IL23R: variants seen among roughly 807,000 people sequenced by gnomAD.
IL23R encodes interleukin-23 receptor.
In IL23R, 34 loss-of-function variants were observed where a neutral mutation model predicts 56.9. The observed-to-expected ratio is 0.60, with a 90% confidence interval of 0.45 to 0.80. The LOEUF is 0.80. Ranked by LOEUF, IL23R falls within the 30% of genes least tolerant of loss-of-function variation. The probability of loss-of-function intolerance (pLI) is 0.00; values close to 1 mark genes in which losing one functional copy is unlikely to be tolerated. For missense variants in IL23R, 635 were observed against 730.0 expected (o/e 0.87, Z 1.50); for synonymous variants, 230 against 249.2 (o/e 0.92, Z 0.73).
rs79860529 is a variant in IL23R at position 67,211,249 on chromosome 1, A to C, written c.798+4194A>C. 2.8e-3 allele frequency among the ~76,000 whole-genome samples: 421 copies of C among 152,346 alleles called. 2 individuals are homozygous for C. Among genetic ancestry groups the C allele is most frequent in the Admixed American group, 5.4e-3 (83 of 15,302 alleles). On this transcript the variant is annotated intron_variant, in intron 6 of 10. Coordinates refer to ENST00000347310, the MANE Select transcript of IL23R (RefSeq NM_144701.3). The stretch of plus-strand genomic sequence containing the variant: ...TACAATTCTCAAGTCCTAGATTCTG[A>C]ATTAATGGGGTTTTATCCTAATAAG...
At chr1:67,146,897 G>C (rs1334681705) in intron 1 of IL23R, among the ~76,000 whole-genome samples, 7 of 152,036 alleles carry the variant, frequency 4.6e-5, no homozygotes, top group Non-Finnish European at 7.4e-5. Flanking sequence ...AGTAGTTGTG[G>C]TTGGACTGCT....
chr1:67,246,990 A>T (rs1652268253), intron 9 of IL23R, among the ~76,000 whole-genome samples: 1 of 152,064 alleles, frequency 6.6e-6, no homozygotes, highest in East Asian at 1.9e-4. Flanking sequence ...ATAAATCTGG[A>T]TGCTTCTGTA....
Position 67,219,629 on chromosome 1 carries a change from A to T in IL23R, c.854A>T (p.Glu285Val). 1 of 1,614,116 alleles carries T rather than the reference A, an allele frequency of 6.2e-7. No individual in the cohort carries two copies. Among genetic ancestry groups the T allele is most frequent in the Non-Finnish European group, 8.5e-7 (1 of 1,179,950 alleles). The change falls in exon 7 of 11, where the codon GAG (glutamate) becomes GTG (valine). Residue 285 changes from glutamate to valine, a missense_variant. Glu to Val is a moderately radical substitution (Grantham distance 121). Coordinates refer to ENST00000347310, the MANE Select transcript of IL23R (RefSeq NM_144701.3). ...GTGCAACAGTCAGAATTCTACTTGG[A>T]GCCAAACATTAAGTACGTATTTCAA... is the stretch of plus-strand genomic sequence containing the variant. The part of the protein sequence containing the change: ...TYVQQSEFYL[E>V]PNIKYVFQVR...
At chr1:67,222,345 G>A (rs373423986) in intron 7 of IL23R, among the ~76,000 whole-genome samples, 230 of 152,092 alleles carry the variant, frequency 1.5e-3, no homozygotes, top group African/African-American at 5.2e-3. Context: ...TCGAACTCAC[G>A]ACCTCAGGTG....
At chr1:67,247,974 G>A (rs1376622314) in intron 9 of IL23R, among the ~76,000 whole-genome samples, 1 of 152,176 alleles carries the variant, frequency 6.6e-6, no homozygotes, top group Non-Finnish European at 1.5e-5. Context: ...GGTTTCTGCT[G>A]AGACATCTGC....
chr1:67,251,218 C>T (rs541467746), intron 9 of IL23R, among the ~76,000 whole-genome samples: 4 of 152,198 alleles, frequency 2.6e-5, no homozygotes, highest in Admixed American at 1.3e-4. Context: ...TTTGGGAGGC[C>T]GAGCTAGGCA....
At chr1:67,161,291 A>C (rs926116533) in intron 1 of IL23R, among the ~76,000 whole-genome samples, 1 of 152,160 alleles carries the variant, frequency 6.6e-6, no homozygotes, top group African/African-American at 2.4e-5. Flanking sequence ...AGAATCCTCT[A>C]TTTACGTTCC....
chr1:67,216,787 A>G (rs1020572228), intron 6 of IL23R, among the ~76,000 whole-genome samples: 16 of 152,244 alleles, frequency 1.1e-4, no homozygotes, highest in African/African-American at 3.6e-4. Flanking sequence ...ATAGAACAGC[A>G]TACAGATAGC....
intron 4 of IL23R, among the ~76,000 whole-genome samples, chr1:67,200,449 A>G (rs1648539169): frequency 6.7e-6 from 1 of 149,440 alleles, no homozygotes; most frequent in Non-Finnish European, 1.5e-5. Context: ...GCTGGAGTGA[A>G]TGGCGTGACC....
At chr1:67,247,107 C>G (rs1652275398) in intron 9 of IL23R, among the ~76,000 whole-genome samples, 1 of 151,644 alleles carries the variant, frequency 6.6e-6, no homozygotes, top group South Asian at 2.1e-4. Flanking sequence ...GGTTTAAAGT[C>G]TGTTTTATCA....
intron 1 of IL23R, among the ~76,000 whole-genome samples, chr1:67,151,568 T>C (rs374813129): frequency 6.6e-6 from 1 of 152,204 alleles, no homozygotes; most frequent in African/African-American, 2.4e-5. Flanking sequence ...TCTTCTAGGG[T>C]TTTTATGGTT....
At chr1:67,207,149 A>G in intron 6 of IL23R, 94 bp downstream of exon 6, 1 of 1,280,236 alleles carries the variant, frequency 7.8e-7, no homozygotes, top group Non-Finnish European at 1.1e-6. Context: ...TCTATTTTAC[A>G]TGTTTTTAAT....
intron 6 of IL23R, among the ~76,000 whole-genome samples, chr1:67,216,723 T>C (rs1315370544): frequency 6.6e-6 from 1 of 152,202 alleles, no homozygotes; most frequent in African/African-American, 2.4e-5. Flanking sequence ...GAGAAAACCA[T>C]TCTTAACTTA....
rs1281925695 is a variant in IL23R at position 67,169,492 on chromosome 1, G to T, written c.221G>T (p.Arg74Ile). Reference sequence around the variant, plus strand: ...TTTTATAAAAATGGCATCAAAGAAAGATTTCAAATCACAAGGATTAATAAA... The same window carrying T: ...TTTTATAAAAATGGCATCAAAGAAATATTTCAAATCACAAGGATTAATAAA... ...LHFYKNGIKERFQITRINKTT... is the reference protein window; with the variant it reads ...LHFYKNGIKEIFQITRINKTT... Residue 74 changes from arginine (R) to isoleucine (I), a missense_variant, in exon 3 of 11, where the codon AGA (arginine) becomes ATA (isoleucine). Transcript: ENST00000347310. The T allele has an allele frequency of 6.2e-7, 1 of 1,614,046 alleles. No individual in the cohort carries two copies.
intron 4 of IL23R, among the ~76,000 whole-genome samples, chr1:67,185,487 G>C (rs1647275503): frequency 2.0e-5 from 3 of 152,090 alleles, no homozygotes; most frequent in African/African-American, 7.2e-5. Context: ...TGTCGCCCAG[G>C]CTGGAGTGCA....
intron 3 of IL23R, 119 bp downstream of exon 3, chr1:67,169,757 C>A: frequency 1.0e-6 from 1 of 971,132 alleles, no homozygotes; most frequent in Non-Finnish European, 1.6e-6. Context: ...AGATTAGTTT[C>A]ATACAGGAGC....
At chr1:67,144,101 G>A (rs1293488662) in intron 1 of IL23R, among the ~76,000 whole-genome samples, 1 of 152,182 alleles carries the variant, frequency 6.6e-6, no homozygotes, top group African/African-American at 2.4e-5. Flanking sequence ...CCCCAAATGT[G>A]CCCTTTTCCA....
Position 67,247,392 on chromosome 1 carries a change from C to A in IL23R, c.1148+7111C>A, listed in dbSNP as rs567925935. Among the ~76,000 whole-genome samples, 10 of 152,032 alleles carry A rather than the reference C, an allele frequency of 6.6e-5. No individual in the cohort carries two copies. In the South Asian group the frequency reaches 1.9e-3, roughly 28 times the overall value. On this transcript the variant is annotated intron_variant, in intron 9 of 10. Transcript: ENST00000347310. The stretch of plus-strand genomic sequence containing the variant: ...CGATCTTGGCTCCCTGCAACCTCTG[C>A]CTCCCAGGTGCAAGGGATTCTCCTG...
chr1:67,215,673 C>A lies in IL23R; in HGVS notation c.799-3901C>A, dbSNP rs182157765. 3.1e-3 allele frequency among the ~76,000 whole-genome samples: 475 copies of A among 152,318 alleles called. 2 individuals are homozygous for A. Among genetic ancestry groups the A allele is most frequent in the African/African-American group, 0.011 (448 of 41,572 alleles). ...TCCACCTCAAAATGTCATCAAGGCTCTCCACCTGCTGCTGGAACCAGTTCG... is the reference window on the plus strand; with the variant it reads ...TCCACCTCAAAATGTCATCAAGGCTATCCACCTGCTGCTGGAACCAGTTCG... On this transcript the variant is annotated intron_variant, in intron 6 of 10. Coordinates refer to ENST00000347310, the MANE Select transcript of IL23R (RefSeq NM_144701.3).
Sources: allele counts gnomAD v4.1 joint callset (sites outside exome capture counted in the v4.1 genomes callset), GRCh38; gene constraint gnomAD v4.1.1; transcripts MANE v1.5; gene names NCBI Gene and HGNC (gene_info 2026-07-23, HGNC 2026-07-21).